The following PAX7 variants were observed in gnomAD, a reference collection of about 807,000 sequenced individuals.
The protein encoded by PAX7 is paired box protein Pax-7.
In PAX7, 18 loss-of-function variants were observed where a neutral mutation model predicts 50.7. The ratio of observed to expected loss-of-function variants is 0.36; its 90% CI spans 0.25 to 0.53. The LOEUF (loss-of-function observed/expected upper bound fraction) is 0.53, where lower values mean the gene tolerates loss of function less well. PAX7 is among the 20% of genes least tolerant of loss of function. The pLI is 0.93. For synonymous variants in PAX7, 310 were observed against 290.4 expected (o/e 1.07, Z -0.69); for missense variants, 644 against 702.9 (o/e 0.92, Z 0.95).
chr1:18,738,603 T>C (rs1930938268), intron 8 of PAX7, among the ~76,000 whole-genome samples: 1 of 151,504 alleles, frequency 6.6e-6, no homozygotes, highest in Non-Finnish European at 1.5e-5. Flanking sequence ...TCTCCTCCTG[T>C]CACTCCCCTT....
Position 18,746,733 on chromosome 1 carries a change from G to A in PAX7, c.*1804G>A, listed in dbSNP as rs1931459211. 2 of 231,730 alleles carry A rather than the reference G, an allele frequency of 8.6e-6. No homozygotes were observed. The highest frequency in any genetic ancestry group is 1.7e-5 in the Non-Finnish European group (2 of 117,080). 14.4% of individuals were successfully genotyped at this position (231,730 alleles called of 1,614,324 possible). A position where few individuals can be genotyped will look rare whatever the true frequency, so the allele number is the denominator to read the frequency against. On this transcript the variant is annotated 3_prime_UTR_variant, in exon 9 of 9. Coordinates refer to ENST00000420770, the MANE Select transcript of PAX7 (RefSeq NM_001135254.2). The stretch of plus-strand genomic sequence containing the variant: ...GAGTCAACCTGAGTTCCTCCCTCCT[G>A]GGAAGCTGGGTTGGCAAGATTCTAG...
chr1:18,671,437 A>C (rs369004675), intron 4 of PAX7, among the ~76,000 whole-genome samples: 1 of 152,338 alleles, frequency 6.6e-6, no homozygotes, highest in Admixed American at 6.5e-5. Context: ...TTCCAGGGGA[A>C]TCTAATTAGA....
chr1:18,640,888 G>A (rs2088241744), intron 4 of PAX7, among the ~76,000 whole-genome samples: 1 of 151,504 alleles, frequency 6.6e-6, no homozygotes, highest in Non-Finnish European at 1.5e-5. Flanking sequence ...GCGGAGCTGG[G>A]AACGTCCCGG....
chr1:18,739,722 G>A (rs949816884), intron 8 of PAX7, among the ~76,000 whole-genome samples: 1 of 152,134 alleles, frequency 6.6e-6, no homozygotes, highest in African/African-American at 2.4e-5. Context: ...CCTCTTCTCC[G>A]TGGGCTTCTC....
chr1:18,696,450 C>T (rs1014793323), intron 5 of PAX7, among the ~76,000 whole-genome samples: 3 of 152,186 alleles, frequency 2.0e-5, no homozygotes, highest in African/African-American at 4.8e-5. Context: ...CATGACCCTG[C>T]GGGGTATGTG....
intron 7 of PAX7, among the ~76,000 whole-genome samples, chr1:18,725,144 G>A (rs888128714): frequency 2.0e-5 from 3 of 152,322 alleles, no homozygotes; most frequent in South Asian, 2.1e-4. Context: ...CCTGGGAGGG[G>A]GCAAGCCGGG....
chr1:18,639,667 G>C (rs1344333479), intron 4 of PAX7, among the ~76,000 whole-genome samples: 1 of 152,204 alleles, frequency 6.6e-6, no homozygotes, highest in African/African-American at 2.4e-5. Flanking sequence ...TGAGCTCAGA[G>C]AGATTCTTGT....
Position 18,666,410 on chromosome 1 carries a change from G to T in PAX7, c.587-25344G>T, listed in dbSNP as rs548169513. On this transcript the variant is annotated intron_variant, in intron 4 of 8. Transcript: ENST00000420770. The stretch of plus-strand genomic sequence containing the variant: ...GGGACCTCATAGGCTCTCCAAAGAA[G>T]TTGTCAGGGAAGGAGGTGGCATAGT... Among the ~76,000 whole-genome samples, 58 of 152,334 alleles carry T rather than the reference G, an allele frequency of 3.8e-4. 1 individual carries two copies. The South Asian group carries it at 0.011, about 30-fold the overall frequency.
intron 4 of PAX7, among the ~76,000 whole-genome samples, chr1:18,685,770 TGAG>T (rs2088965312): frequency 1.3e-5 from 2 of 152,196 alleles, no homozygotes; most frequent in Non-Finnish European, 2.9e-5. Flanking sequence ...CTGGCGTGGC[TGAG>T]GCTTCCTGGC....
intron 4 of PAX7, among the ~76,000 whole-genome samples, chr1:18,640,840 CG>C (rs1325334893): frequency 1.8e-4 from 2 of 11,198 alleles, no homozygotes. Context: ...CGCGCCGGGC[CG>C]GGGGCTGGGG....
chr1:18,683,772 G>A (rs779139605), intron 4 of PAX7, among the ~76,000 whole-genome samples: 17 of 152,152 alleles, frequency 1.1e-4, no homozygotes, highest in Non-Finnish European at 2.2e-4. Context: ...CCTGGGAGGC[G>A]GATGTTGCAG....
At chr1:18,672,837 C>T (rs2088772476) in intron 4 of PAX7, among the ~76,000 whole-genome samples, 1 of 152,076 alleles carries the variant, frequency 6.6e-6, no homozygotes, top group Admixed American at 6.6e-5. Context: ...GAACTGACCT[C>T]AGGTGATCTG....
At chr1:18,683,889 T>C (rs1423420085) in intron 4 of PAX7, among the ~76,000 whole-genome samples, 5 of 152,104 alleles carry the variant, frequency 3.3e-5, no homozygotes, top group Non-Finnish European at 7.4e-5. Flanking sequence ...CGGTGGGTGG[T>C]GGATGGGTGC....
At position 18,744,832 on chromosome 1, in the gene PAX7, C is replaced by T; in HGVS notation, c.1421C>T (p.Ala474Val). Reference protein sequence around the residue: ...QYGQTAVDYLAKNVSLSTQRR... With the variant: ...QYGQTAVDYLVKNVSLSTQRR... ...TTTCCAGCTGCTGTTGATTATCTGG[C>T]CAAAAATGTGAGCCTCTCCACCCAG... is the stretch of plus-strand genomic sequence containing the variant. The change falls in exon 9 of 9, where the codon GCC (alanine) becomes GTC (valine). Residue 474 changes from alanine (A) to valine (V), a missense_variant. Ala to Val is a moderately conservative substitution (Grantham distance 64). Coordinates refer to ENST00000420770, the MANE Select transcript of PAX7 (RefSeq NM_001135254.2). 8 of 1,554,232 alleles carry T rather than the reference C, an allele frequency of 5.1e-6. No homozygotes were observed. The highest frequency in any genetic ancestry group is 7.0e-6 in the Non-Finnish European group (8 of 1,148,212).
At position 18,700,585 on chromosome 1, in the gene PAX7, A is replaced by C. The variant is rs2089206065; in HGVS notation, c.787-68A>C. The stretch of plus-strand genomic sequence containing the variant: ...GGTGATGGCTTGGGCAACTGGGTCT[A>C]CATGTGTTGCAGCTCTCTGCCAGGA... On this transcript the variant is annotated intron_variant, in intron 5 of 8. Transcript: ENST00000420770. This position sits in a 1 kb window ranked among gnomAD's most constrained non-coding sequence, Gnocchi z 4.8. 3 of 1,400,798 alleles carry C rather than the reference A, an allele frequency of 2.1e-6. No individual in the cohort carries two copies. The East Asian group carries it at 8.0e-5, about 37-fold the overall frequency. 86.8% of individuals were successfully genotyped at this position (1,400,798 alleles called of 1,614,324 possible). A position where few individuals can be genotyped will look rare whatever the true frequency, so the allele number is the denominator to read the frequency against.
At chr1:18,712,134 C>CCGATGGTCAGTGTGAAT (rs1553141311) in intron 7 of PAX7, among the ~76,000 whole-genome samples, 2 of 150,680 alleles carry the variant, frequency 1.3e-5, no homozygotes, top group Non-Finnish European at 3.0e-5. Context: ...TAGGTGTGAA[C>CCGATGGTCAGTGTGAAT]TGATGGTCAG....
intron 7 of PAX7, among the ~76,000 whole-genome samples, chr1:18,704,288 G>A (rs1324141201): frequency 3.9e-5 from 6 of 152,172 alleles, no homozygotes; most frequent in Non-Finnish European, 7.3e-5. Flanking sequence ...ATGTATGGTG[G>A]CTTTTTTGCC....
chr1:18,652,512 A>C (rs1557510554), intron 4 of PAX7, among the ~76,000 whole-genome samples: 1 of 152,276 alleles, frequency 6.6e-6, no homozygotes. Flanking sequence ...GATGTTTATT[A>C]ATAGTTGGGC....
intron 7 of PAX7, among the ~76,000 whole-genome samples, chr1:18,731,622 G>A (rs1570241559): frequency 6.6e-6 from 1 of 152,040 alleles, no homozygotes. Context: ...CTCCAGTTGG[G>A]TCCTGTCCCA....
Sources: allele counts gnomAD v4.1 joint callset (sites outside exome capture counted in the v4.1 genomes callset), GRCh38; gene constraint gnomAD v4.1.1; non-coding constraint Gnocchi (gnomAD v3.1); transcripts MANE v1.5; gene names NCBI Gene and HGNC (gene_info 2026-07-23, HGNC 2026-07-21).